NRF1: variants seen among roughly 807,000 people sequenced by gnomAD.
NRF1 encodes nuclear respiratory factor 1.
NRF1 carries 5 observed loss-of-function variants against 58.5 expected under a neutral mutation model. The ratio of observed to expected loss-of-function variants is 0.09; its 90% confidence interval spans 0.04 to 0.18. NRF1 has a LOEUF of 0.18. Among genes scored for constraint, NRF1 ranks in the 10% least tolerant of loss-of-function variants. The pLI is 1.00. For missense variants in NRF1, 288 were observed against 657.7 expected (o/e 0.44, Z 6.15); for synonymous variants, 224 against 246.7 (o/e 0.91, Z 0.86).
intron 5 of NRF1, among the ~76,000 whole-genome samples, chr7:129,697,463 G>A (rs1457670950): frequency 1.2e-4 from 18 of 151,000 alleles, no homozygotes; most frequent in Non-Finnish European, 8.8e-5. Context: ...CAGGAGAATC[G>A]CTTGAACCCG....
intron 2 of NRF1, 131 bp downstream of exon 2, chr7:129,657,705 G>A (rs1388062259): frequency 2.9e-5 from 18 of 630,002 alleles, no homozygotes; most frequent in East Asian, 1.4e-4. Context: ...GATCTTCCGG[G>A]TTCAAGTGAT....
rs1800531469 is a variant in NRF1, at chr7:129,611,758, G to C, written c.-73G>C. The C allele has an allele frequency of 3.2e-6, 1 of 313,322 alleles. No individual in the cohort carries two copies. Among genetic ancestry groups the C allele is most frequent in the East Asian group, 5.1e-5 (1 of 19,572 alleles). 19.4% of individuals were successfully genotyped at this position (313,322 alleles called of 1,614,324 possible). On this transcript the variant is annotated 5_prime_UTR_variant, in exon 1 of 11. Coordinates refer to ENST00000393232, the MANE Select transcript of NRF1 (RefSeq NM_005011.5). ...CTCGCCATTGCCGCTGGTGGCAGGA[G>C]GCTGCGAGGAGCCGGCGCGGTCGCA...
At chr7:129,716,428 A>G (rs1359385345) in intron 8 of NRF1, among the ~76,000 whole-genome samples, 1 of 151,950 alleles carries the variant, frequency 6.6e-6, no homozygotes, top group Non-Finnish European at 1.5e-5. Context: ...TTTTCCTCTC[A>G]TGGCCCATTT....
At chr7:129,644,000 C>T (rs949499739) in intron 1 of NRF1, among the ~76,000 whole-genome samples, 4 of 152,168 alleles carry the variant, frequency 2.6e-5, no homozygotes, top group African/African-American at 9.7e-5. Flanking sequence ...GCCTGCAGTG[C>T]CCTTTTTTTC....
At chr7:129,675,424 T>C (rs1182213616) in intron 3 of NRF1, among the ~76,000 whole-genome samples, 5 of 152,240 alleles carry the variant, frequency 3.3e-5, no homozygotes, top group Non-Finnish European at 7.3e-5. Context: ...GAATCCGTTC[T>C]AGAAGGTTTT....
chr7:129,612,243 G>T (rs1180820627), intron 1 of NRF1, among the ~76,000 whole-genome samples: 1 of 151,092 alleles, frequency 6.6e-6, no homozygotes, highest in Non-Finnish European at 1.5e-5. Context: ...GGCTGCGCGG[G>T]ACCGGAGCCG....
chr7:129,734,175 T>A (rs1431576196), intron 10 of NRF1, among the ~76,000 whole-genome samples: 2 of 152,238 alleles, frequency 1.3e-5, no homozygotes, highest in Admixed American at 1.3e-4. Flanking sequence ...ATTTACATAA[T>A]CTTACTATGT....
chr7:129,652,872 G>T (rs185873520), intron 1 of NRF1, among the ~76,000 whole-genome samples: 1 of 152,228 alleles, frequency 6.6e-6, no homozygotes, highest in African/African-American at 2.4e-5. Context: ...GATTACAGGC[G>T]TGAGCCACCG....
chr7:129,731,254 G>C (rs1803571321), intron 10 of NRF1, among the ~76,000 whole-genome samples: 1 of 145,156 alleles, frequency 6.9e-6, no homozygotes, highest in South Asian at 2.2e-4. Context: ...CTGGGCGACA[G>C]AGCAAGACTC....
At chr7:129,683,450 C>G (rs1173335872) in intron 4 of NRF1, among the ~76,000 whole-genome samples, 2 of 151,622 alleles carry the variant, frequency 1.3e-5, no homozygotes, top group Non-Finnish European at 2.9e-5. Context: ...CTGCTTCAGC[C>G]TCCTGAGTAG....
At chr7:129,712,236 T>C (rs1226127870) in intron 8 of NRF1, among the ~76,000 whole-genome samples, 1 of 152,108 alleles carries the variant, frequency 6.6e-6, no homozygotes, top group Non-Finnish European at 1.5e-5. Context: ...GGATAATGCA[T>C]TGAGAAAAAC....
In NRF1 at chr7:129,727,252, C is replaced by A; in HGVS notation, c.1235C>A (p.Ala412Asp). The A allele has an allele frequency of 6.3e-7, 1 of 1,596,782 alleles. No individual in the cohort carries two copies. Among genetic ancestry groups the A allele is most frequent in the Admixed American group, 1.9e-5 (1 of 53,712 alleles). The change falls in exon 10 of 11, where the codon GCC becomes GAC. Residue 412 changes from alanine to aspartate, a missense_variant. This residue lies in a region of NRF1 where 212 missense variants were observed against 559.7 expected (regional missense o/e 0.38). Transcript: ENST00000393232. ...TCCTGTGCCCGCAGCGAAGCTGCCG[C>A]CCATGCTGTCGCCACCCTGGCTGAG... ...VTMALNSEAA[A>D]HAVATLAEAT...
chr7:129,639,904 A>G (rs1801251929), intron 1 of NRF1, among the ~76,000 whole-genome samples: 1 of 152,166 alleles, frequency 6.6e-6, no homozygotes, highest in Non-Finnish European at 1.5e-5. Context: ...TGAAAATGGG[A>G]ATGGATAGTT....
At chr7:129,726,004 C>G (rs1803445168) in intron 9 of NRF1, among the ~76,000 whole-genome samples, 1 of 152,182 alleles carries the variant, frequency 6.6e-6, no homozygotes, top group Non-Finnish European at 1.5e-5. Flanking sequence ...TGCCCACAGT[C>G]CTAACATGTT....
At chr7:129,696,912 A>G (rs1227140949) in intron 5 of NRF1, among the ~76,000 whole-genome samples, 2 of 152,188 alleles carry the variant, frequency 1.3e-5, no homozygotes, top group African/African-American at 4.8e-5. Flanking sequence ...ATTCTACTAC[A>G]TATAACCATG....
At chr7:129,700,972 G>A (rs1393433301) in intron 5 of NRF1, among the ~76,000 whole-genome samples, 1 of 152,102 alleles carries the variant, frequency 6.6e-6, no homozygotes, top group Non-Finnish European at 1.5e-5. Context: ...AACACTGGAT[G>A]TGTTCTTAAA....
intron 1 of NRF1, among the ~76,000 whole-genome samples, chr7:129,631,137 T>G (rs895452665): frequency 7.9e-5 from 12 of 152,192 alleles, no homozygotes; most frequent in Non-Finnish European, 1.6e-4. Flanking sequence ...TCAGTTTGCT[T>G]ACTTACTTTT....
At chr7:129,659,184 C>T (rs575753202) in intron 2 of NRF1, among the ~76,000 whole-genome samples, 1 of 146,048 alleles carries the variant, frequency 6.8e-6, no homozygotes, top group South Asian at 2.2e-4. Flanking sequence ...GTTGGAGCAA[C>T]TCTCCTGTCT....
At chr7:129,624,720 G>T (rs1382257482) in intron 1 of NRF1, among the ~76,000 whole-genome samples, 1 of 152,010 alleles carries the variant, frequency 6.6e-6, no homozygotes, top group African/African-American at 2.4e-5. Flanking sequence ...TCTCTGTGTT[G>T]CCCAGGCTGC....
Sources: allele counts gnomAD v4.1 joint callset (sites outside exome capture counted in the v4.1 genomes callset), GRCh38; gene constraint gnomAD v4.1.1; regional missense constraint gnomAD v4.1.1; transcripts MANE v1.5; gene names NCBI Gene and HGNC (gene_info 2026-07-23, HGNC 2026-07-21).